Variants in SLC44A5 observed in about 807,000 individuals in gnomAD.
SLC44A5 encodes the protein solute carrier family 44 member 5, also known as choline transporter-like protein 5.
Under a neutral mutation model 101.8 loss-of-function variants are expected in SLC44A5, and 57 were observed. That is an observed-to-expected ratio of 0.56 (90% CI 0.45 to 0.70). The LOEUF is 0.70. SLC44A5 is among the 30% of genes least tolerant of loss of function. The pLI, the probability that SLC44A5 is intolerant of heterozygous loss-of-function variation, is 0.00. For synonymous variants in SLC44A5, 281 were observed against 290.9 expected, an observed-to-expected ratio of 0.97 and a Z score of 0.35; for missense variants, 737 against 853.1, an observed-to-expected ratio of 0.86 and a Z score of 1.70.
At chr1:75,206,463 T>C (rs537133971) in intron 23 of SLC44A5, 18 of 593,716 alleles carry the variant, frequency 3.0e-5, no homozygotes, top group African/African-American at 3.0e-4. Context: ...ATCAAATACC[T>C]GACACCTCAG....
At chr1:75,527,583 C>T (rs1356694595) in intron 2 of SLC44A5, among the ~76,000 whole-genome samples, 2 of 152,170 alleles carry the variant, frequency 1.3e-5, no homozygotes, top group Middle Eastern at 3.2e-3. Flanking sequence ...CTGGCTGGCT[C>T]TGTATGAGAA....
the SLC44A5 span, among the ~76,000 whole-genome samples, chr1:75,626,168 C>A: frequency 1.3e-5 from 2 of 152,052 alleles, no homozygotes; most frequent in East Asian, 3.9e-4. Context: ...AGAATCAAGC[C>A]TGAAATCATT....
chr1:75,410,347 T>G (rs1663194379), intron 2 of SLC44A5, among the ~76,000 whole-genome samples: 2 of 152,096 alleles, frequency 1.3e-5, no homozygotes, highest in South Asian at 4.1e-4. Flanking sequence ...TGCCTATTTA[T>G]AAGGCAAGTC....
At chr1:75,695,695 A>C in the SLC44A5 span, among the ~76,000 whole-genome samples, 1 of 148,504 alleles carries the variant, frequency 6.7e-6, no homozygotes, top group Non-Finnish European at 1.5e-5. Flanking sequence ...TATAGTATTT[A>C]TATATGTATA....
intron 3 of SLC44A5, among the ~76,000 whole-genome samples, chr1:75,340,031 C>T (rs916014976): frequency 3.9e-5 from 6 of 152,128 alleles, no homozygotes; most frequent in Non-Finnish European, 5.9e-5. Flanking sequence ...CCTCCTTATC[C>T]CAGCTCTCCC....
At chr1:75,602,760 G>A (rs539458760) in intron 1 of SLC44A5, among the ~76,000 whole-genome samples, 1 of 152,174 alleles carries the variant, frequency 6.6e-6, no homozygotes, top group South Asian at 2.1e-4. Context: ...GAAAGGTGCT[G>A]TTAATACTAG....
intron 6 of SLC44A5, among the ~76,000 whole-genome samples, chr1:75,268,602 A>G (rs1043253799): frequency 2.0e-5 from 3 of 152,154 alleles, no homozygotes; most frequent in Non-Finnish European, 1.5e-5. Context: ...ATAATCCCAT[A>G]ATTGAAAATA....
intron 2 of SLC44A5, among the ~76,000 whole-genome samples, chr1:75,448,129 T>G (rs1361848922): frequency 6.6e-6 from 1 of 152,188 alleles, no homozygotes; most frequent in African/African-American, 2.4e-5. Context: ...CTGAAACAAT[T>G]TGGCTAAGTT....
chr1:75,334,504 AG>A (rs1657294063), intron 4 of SLC44A5, among the ~76,000 whole-genome samples: 1 of 152,196 alleles, frequency 6.6e-6, no homozygotes, highest in African/African-American at 2.4e-5. Flanking sequence ...AAAATCTGCA[AG>A]GTTTTAGGAC....
At chr1:75,306,081 G>A (rs1039921440) in intron 4 of SLC44A5, among the ~76,000 whole-genome samples, 8 of 152,108 alleles carry the variant, frequency 5.3e-5, no homozygotes, top group Admixed American at 3.9e-4. Flanking sequence ...ACCTAGAAAC[G>A]TTATGTAAAA....
intron 3 of SLC44A5, among the ~76,000 whole-genome samples, chr1:75,383,775 T>C (rs1323374680): frequency 1.3e-5 from 2 of 151,326 alleles, no homozygotes; most frequent in African/African-American, 4.9e-5. Context: ...AAAGTTGAAA[T>C]GAAGGAAAAA....
intron 2 of SLC44A5, among the ~76,000 whole-genome samples, chr1:75,521,161 A>T (rs1002560956): frequency 6.6e-6 from 1 of 152,220 alleles, no homozygotes; most frequent in Non-Finnish European, 1.5e-5. Context: ...TTCAAATTTC[A>T]AACAGCATAG....
chr1:75,207,357 T>A (rs1646767989), intron 23 of SLC44A5, among the ~76,000 whole-genome samples: 1 of 152,222 alleles, frequency 6.6e-6, no homozygotes, highest in African/African-American at 2.4e-5. Flanking sequence ...TGTCAATGTA[T>A]TCTGACTCTC....
chr1:75,464,514 A>G (rs931358475), intron 2 of SLC44A5, among the ~76,000 whole-genome samples: 26 of 152,134 alleles, frequency 1.7e-4, no homozygotes, highest in Non-Finnish European at 2.9e-5. Flanking sequence ...CAAAACAAGC[A>G]GAAAACATAG....
chr1:75,255,520 A>G (rs1433427553), intron 6 of SLC44A5, among the ~76,000 whole-genome samples: 2 of 152,030 alleles, frequency 1.3e-5, no homozygotes, highest in Non-Finnish European at 2.9e-5. Context: ...GAGATGAAAA[A>G]TAGAAGGAAA....
chr1:75,427,869 A>G (rs1405731738), intron 2 of SLC44A5, among the ~76,000 whole-genome samples: 1 of 152,056 alleles, frequency 6.6e-6, no homozygotes, highest in African/African-American at 2.4e-5. Flanking sequence ...CATGACAGTC[A>G]TGTGTATGAT....
intron 2 of SLC44A5, among the ~76,000 whole-genome samples, chr1:75,406,739 C>T (rs997001855): frequency 1.3e-5 from 2 of 152,092 alleles, no homozygotes; most frequent in African/African-American, 4.8e-5. Context: ...ACGACAAACC[C>T]ACAGGCAATA....
At chr1:75,408,420 T>C (rs1003432058) in intron 2 of SLC44A5, among the ~76,000 whole-genome samples, 1 of 152,154 alleles carries the variant, frequency 6.6e-6, no homozygotes, top group East Asian at 1.9e-4. Context: ...ACACATATGT[T>C]TATTGCAGCA....
chr1:75,317,980 T>C (rs959998663), intron 4 of SLC44A5, among the ~76,000 whole-genome samples: 1 of 152,192 alleles, frequency 6.6e-6, no homozygotes, highest in African/African-American at 2.4e-5. Flanking sequence ...GTAGCATTTC[T>C]CCTAGTGTAG....
Sources: gnomAD v4.1 joint callset for allele counts (sites outside exome capture counted in the v4.1 genomes callset) on GRCh38, gnomAD v4.1.1 for gene constraint, MANE v1.5 for transcripts, NCBI Gene and HGNC (gene_info 2026-07-23, HGNC 2026-07-21) for gene names.